Variants in LRIG1 observed in about 807,000 individuals in gnomAD.
LRIG1 encodes the protein leucine-rich repeats and immunoglobulin-like domains protein 1.
In LRIG1, 48 loss-of-function variants were observed where a neutral mutation model predicts 99.2. The ratio of observed to expected loss-of-function variants is 0.48; its 90% CI spans 0.38 to 0.62. LRIG1 has a LOEUF of 0.62. LRIG1 is among the 20% of genes least tolerant of loss of function. The probability of loss-of-function intolerance (pLI) is 0.00; values close to 1 mark genes in which losing one functional copy is unlikely to be tolerated. For synonymous variants in LRIG1, 772 were observed against 596.1 expected, an observed-to-expected ratio of 1.29 and a Z score of -4.30; for missense variants, 1,646 against 1,434.4, an observed-to-expected ratio of 1.15 and a Z score of -2.38.
intron 2 of LRIG1, among the ~76,000 whole-genome samples, chr3:66,452,477 C>T (rs1177179135): frequency 2.0e-5 from 3 of 152,200 alleles, no homozygotes; most frequent in African/African-American, 7.2e-5. Context: ...GTGAGCCCAA[C>T]AATCCTTAAG....
At position 66,437,002 on chromosome 3, in the gene LRIG1, C is replaced by CTCT. The variant is rs1703381870; in HGVS notation, c.365+14556_365+14557insAGA. On this transcript the variant is annotated intron_variant, in intron 3 of 18. Transcript: ENST00000273261. ...CTGGGTTTTCTGAACTTTCTGAACA[C>CTCT]AGAGCACTCTTTTCCCCCTCAATGC... 5.3e-5 allele frequency among the ~76,000 whole-genome samples: 8 copies of CTCT among 152,334 alleles called. No homozygotes were observed. In the South Asian group the frequency reaches 1.7e-3, roughly 32 times the overall value.
At chr3:66,394,724 C>T (rs1248100001) in intron 11 of LRIG1, among the ~76,000 whole-genome samples, 2 of 152,126 alleles carry the variant, frequency 1.3e-5, no homozygotes, top group Non-Finnish European at 2.9e-5. Context: ...CCGAGGAGGG[C>T]TCTTTTGCCT....
At chr3:66,498,815 T>G (rs1487296969) in intron 1 of LRIG1, among the ~76,000 whole-genome samples, 2 of 152,204 alleles carry the variant, frequency 1.3e-5, no homozygotes. Context: ...TGGAGCAGTG[T>G]CTCGGGCCAA....
At chr3:66,456,480 C>T (rs770880850) in intron 2 of LRIG1, among the ~76,000 whole-genome samples, 5 of 150,360 alleles carry the variant, frequency 3.3e-5, no homozygotes, top group African/African-American at 1.2e-4. Flanking sequence ...GGCTGAGGTG[C>T]GAGGATCGCT....
Position 66,500,245 on chromosome 3 carries a change from C to T in LRIG1, c.163G>A (p.Gly55Ser). ...GGCAACGCAGCCAGCCCGCGCCCAC[C>T]GCAGTCCAGCGAGTCCCCAGCGCAA... is the stretch of plus-strand genomic sequence containing the variant. ...CTCAGDSLDC[G>S]GRGLAALPGD... Residue 55 changes from glycine (G) to serine (S), a missense_variant, in exon 1 of 19, where the codon GGT (glycine) becomes AGT (serine). Physicochemically the swap from Gly to Ser is moderately conservative, Grantham distance 56. Transcript: ENST00000273261. 1.3e-6 allele frequency: 2 copies of T among 1,510,480 alleles called. No individual in the cohort carries two copies. Among genetic ancestry groups the T allele is most frequent in the Non-Finnish European group, 1.8e-6 (2 of 1,136,162 alleles). 93.6% of individuals were successfully genotyped at this position (1,510,480 alleles called of 1,614,324 possible).
intron 1 of LRIG1, among the ~76,000 whole-genome samples, chr3:66,479,359 A>AT (rs540412909): frequency 5.4e-4 from 83 of 152,300 alleles, no homozygotes; most frequent in African/African-American, 1.6e-3. Flanking sequence ...TGTAGTCTGG[A>AT]TTCACTGCAA....
Position 66,413,006 on chromosome 3 carries a change from T to C in LRIG1, c.656A>G (p.Asn219Ser), listed in dbSNP as rs142178825. ...KLPRLTQLDL[N>S]RNRIRLIEGL... ...CTCTATCAGCCGAATCCTGTTCCGA[T>C]TGAGGTCCCTAAAGAGATGAAGCCA... Residue 219 changes from asparagine (N) to serine (S), a missense_variant, in exon 6 of 19, where the codon AAT (asparagine) becomes AGT (serine). By Grantham distance (46) the Asn-to-Ser change is conservative (BLOSUM62 1). Coordinates refer to ENST00000273261, the MANE Select transcript of LRIG1 (RefSeq NM_015541.3). The C allele has an allele frequency of 5.6e-5, 90 of 1,614,172 alleles. No individual in the cohort carries two copies. The Middle Eastern group carries it at 9.9e-4, about 18-fold the overall frequency.
intron 3 of LRIG1, among the ~76,000 whole-genome samples, chr3:66,434,845 T>A (rs1334623054): frequency 2.0e-5 from 3 of 150,478 alleles, no homozygotes; most frequent in Non-Finnish European, 4.4e-5. Context: ...AAATGTCAAA[T>A]GGTATGGCCA....
intron 1 of LRIG1, among the ~76,000 whole-genome samples, chr3:66,487,688 TCAC>T (rs1449210729): frequency 6.6e-6 from 1 of 152,030 alleles, no homozygotes; most frequent in African/African-American, 2.4e-5. Flanking sequence ...AACAATAAAT[TCAC>T]CAGAACGAGA....
At chr3:66,388,969 G>T (rs986552599) in intron 12 of LRIG1, among the ~76,000 whole-genome samples, 1 of 152,006 alleles carries the variant, frequency 6.6e-6, no homozygotes, top group African/African-American at 2.4e-5. Flanking sequence ...CAACACACAG[G>T]ATACGTGTAT....
At chr3:66,460,669 A>G (rs1229481100) in intron 2 of LRIG1, among the ~76,000 whole-genome samples, 1 of 152,206 alleles carries the variant, frequency 6.6e-6, no homozygotes, top group Non-Finnish European at 1.5e-5. Flanking sequence ...AGACTGTGAG[A>G]AGATGAATTT....
intron 3 of LRIG1, among the ~76,000 whole-genome samples, chr3:66,427,799 T>A (rs576574492): frequency 6.6e-6 from 1 of 152,360 alleles, no homozygotes; most frequent in South Asian, 2.1e-4. Context: ...GTCTCCTGGT[T>A]GTTATTCCTC....
chr3:66,429,126 C>T (rs1363931711), intron 3 of LRIG1, among the ~76,000 whole-genome samples: 1 of 152,230 alleles, frequency 6.6e-6, no homozygotes, highest in Admixed American at 6.5e-5. Context: ...TTTGGGTCTT[C>T]AACAAACAGC....
chr3:66,462,299 A>T, intron 2 of LRIG1, 139 bp downstream of exon 2: 2 of 667,436 alleles, frequency 3.0e-6, no homozygotes, highest in Non-Finnish European at 5.5e-6. Context: ...AGAATTCATC[A>T]ACACAGTCCA....
chr3:66,472,399 G>A (rs903339458), intron 1 of LRIG1, among the ~76,000 whole-genome samples: 3 of 150,604 alleles, frequency 2.0e-5, no homozygotes, highest in Admixed American at 6.6e-5. Flanking sequence ...ACTGCCATGT[G>A]CCACACAACA....
chr3:66,440,191 AACC>A lies in LRIG1; in HGVS notation c.365+11365_365+11367del, dbSNP rs553400360. 2.8e-4 allele frequency among the ~76,000 whole-genome samples: 43 copies of A among 152,080 alleles called. No homozygotes were observed. The East Asian group carries it at 7.6e-3, about 27-fold the overall frequency. On this transcript the variant is annotated intron_variant, in intron 3 of 18. Coordinates refer to ENST00000273261, the MANE Select transcript of LRIG1 (RefSeq NM_015541.3). ...AATGACCTGGAGAGCTTTTTTAAAAAACCACCACAACGCCTGGGCCCAACACTC... is the reference window on the plus strand; with the variant it reads ...AATGACCTGGAGAGCTTTTTTAAAAAACCACAACGCCTGGGCCCAACACTC...
intron 1 of LRIG1, among the ~76,000 whole-genome samples, chr3:66,466,555 AGTAATTAAGAAAAT>A (rs1448304129): frequency 3.9e-5 from 6 of 152,158 alleles, no homozygotes; most frequent in African/African-American, 1.4e-4. Flanking sequence ...CGCATTTCTC[AGTAATTAAGAAAAT>A]ACACTTAGCC....
At position 66,500,439 on chromosome 3, in the gene LRIG1, CGGGG is replaced by C. The variant is rs1300451547; in HGVS notation, c.-36_-33del. 8 of 1,317,432 alleles carry C rather than the reference CGGGG, an allele frequency of 6.1e-6. No homozygotes were observed. The African/African-American group carries it at 1.2e-4, about 20-fold the overall frequency. The allele number at this position is 1,317,432 out of a possible 1,614,324, so 81.6% of individuals were successfully genotyped here. ...TGGAGCGCGCTGCGAACTCCGGGCG[CGGGG>C]ACTGTGAGGACCCGAACGGCCGCAG... On this transcript the variant is annotated 5_prime_UTR_variant, in exon 1 of 19. Coordinates refer to ENST00000273261, the MANE Select transcript of LRIG1 (RefSeq NM_015541.3).
At position 66,417,148 on chromosome 3, in the gene LRIG1, C is replaced by T. The variant is rs780413870; in HGVS notation, c.484G>A (p.Gly162Arg). The T allele has an allele frequency of 4.3e-6, 7 of 1,614,146 alleles. No individual in the cohort carries two copies. The highest frequency in any genetic ancestry group is 1.7e-4 in the Middle Eastern group (1 of 6,060). Residue 162 changes from glycine (G) to arginine (R), a missense_variant, in exon 4 of 19, where the codon GGA becomes AGA. Coordinates refer to ENST00000273261, the MANE Select transcript of LRIG1 (RefSeq NM_015541.3). Reference protein sequence around the residue: ...TEVRNTCFPHGPPIKELNLAG... With the variant: ...TEVRNTCFPHRPPIKELNLAG... ...ACTTACAGCTCCTTTATAGGCGGTC[C>T]GTGTGGAAAGCAGGTGTTCCGCACT...
Sources: allele counts gnomAD v4.1 joint callset (sites outside exome capture counted in the v4.1 genomes callset), GRCh38; gene constraint gnomAD v4.1.1; transcripts MANE v1.5; gene names NCBI Gene and HGNC (gene_info 2026-07-23, HGNC 2026-07-21).